Variants in ALDH3B2 observed in about 807,000 individuals in gnomAD.
ALDH3B2 encodes aldehyde dehydrogenase family 3 member B2.
A neutral mutation model predicts 36.7 loss-of-function variants in ALDH3B2; 45 were observed. The observed-to-expected ratio is 1.23, with a 90% CI of 0.97 to 1.57. The LOEUF is 1.57. Among genes scored for constraint, ALDH3B2 ranks in the 40% most tolerant of loss-of-function variants. The pLI is 0.00. For missense variants in ALDH3B2, 464 were observed against 513.3 expected (o/e 0.90, Z 0.93); for synonymous variants, 217 against 226.5 (o/e 0.96, Z 0.38).
At chr11:67,664,909 C>T (rs562248023) in intron 7 of ALDH3B2, among the ~76,000 whole-genome samples, 290 of 152,294 alleles carry the variant, frequency 1.9e-3, no homozygotes, top group African/African-American at 6.6e-3. Context: ...CTGAGTCATA[C>T]GGCCCAGGAG....
At chr11:67,663,957 A>G (rs1231660531) in intron 8 of ALDH3B2, among the ~76,000 whole-genome samples, 196 bp from the exon 9 acceptor site, 2 of 152,054 alleles carry the variant, frequency 1.3e-5, no homozygotes, top group African/African-American at 2.4e-5. Flanking sequence ...GGTGATTACC[A>G]CCATGGCGCA....
intron 8 of ALDH3B2, 49 bp downstream of exon 8, chr11:67,664,347 T>A: frequency 6.2e-7 from 1 of 1,611,156 alleles, no homozygotes; most frequent in Non-Finnish European, 8.5e-7. Flanking sequence ...GGTGCCAGTC[T>A]GTGCCCCTTT....
intron 1 of ALDH3B2, among the ~76,000 whole-genome samples, chr11:67,672,476 C>T (rs1856155832): frequency 6.6e-6 from 1 of 151,942 alleles, no homozygotes. Flanking sequence ...TGATTGCTGT[C>T]TCCTGTCTCC....
chr11:67,665,176 T>A lies in ALDH3B2; in HGVS notation c.706+109A>T, dbSNP rs190128581. On this transcript the variant is annotated intron_variant, in intron 7 of 9. Coordinates refer to ENST00000349015, the Ensembl canonical transcript of ALDH3B2. The stretch of plus-strand genomic sequence containing the variant: ...GCCATGGCTCAAGGCCGGGCTCTGA[T>A]AGTGGGGCCGGGTTTCAGGTGCGAG... The A allele has an allele frequency of 1.5e-4, 222 of 1,504,456 alleles. 1 individual carries two copies. In the African/African-American group the frequency reaches 2.7e-3, roughly 18 times the overall value. 93.2% of individuals were successfully genotyped at this position (1,504,456 alleles called of 1,614,324 possible).
chr11:67,672,146 G>GTT lies in ALDH3B2; in HGVS notation c.-245+2290_-245+2291insAA, dbSNP rs1237487597. ...TGTGTGTGTGTGTGTATATATATAT[G>GTT]TATTTTTTTTTTTTTTTTGAGACAG... is the stretch of plus-strand genomic sequence containing the variant. On this transcript the variant is annotated intron_variant, in intron 1 of 9. Transcript: ENST00000349015. 2.6e-3 allele frequency among the ~76,000 whole-genome samples: 114 copies of GTT among 43,360 alleles called. 2 individuals are homozygous for GTT. In the South Asian group the frequency reaches 0.028, roughly 11 times the overall value. 28.4% of individuals were successfully genotyped at this position (43,360 alleles called of 152,430 possible).
At chr11:67,665,744 C>A in intron 6 of ALDH3B2, 73 bp from the exon 7 acceptor site, 1 of 1,536,144 alleles carries the variant, frequency 6.5e-7, no homozygotes, top group Non-Finnish European at 8.7e-7. Context: ...CCAGAGCCTG[C>A]TCCTCCCTGG....
intron 3 of ALDH3B2, 66 bp from the exon 4 acceptor site, chr11:67,666,760 T>TG: frequency 6.2e-7 from 1 of 1,609,702 alleles, no homozygotes; most frequent in Non-Finnish European, 8.5e-7. Context: ...ACTGCACACT[T>TG]GGGGCCTCAG....
intron 1 of ALDH3B2, among the ~76,000 whole-genome samples, chr11:67,669,190 G>T (rs150210540): frequency 0.019 from 2,851 of 150,818 alleles, 325 homozygotes; most frequent in Admixed American, 0.18. Flanking sequence ...ATGGCTATGT[G>T]TGTGTCTGTG....
chr11:67,666,666 C>T lies in ALDH3B2; in HGVS notation c.59G>A (p.Trp20Ter). Residue 20 changes from tryptophan (W) to a stop codon, truncating the protein, a stop_gained, in exon 4 of 10, where the codon TGG (tryptophan) becomes TAG (stop). Transcript: ENST00000349015. LOFTEE classifies it high-confidence loss of function. The stretch of plus-strand genomic sequence containing the variant: ...GAGGACCAGGCCAAAGGGTTCCTTC[C>T]AGATGAAGACCGAGTCCAGCTTCAT... 1 of 1,614,160 alleles carries T rather than the reference C, an allele frequency of 6.2e-7. No individual in the cohort carries two copies. Among genetic ancestry groups the T allele is most frequent in the Non-Finnish European group, 8.5e-7 (1 of 1,180,014 alleles).
rs71058721 is a variant in ALDH3B2 at position 67,672,102 on chromosome 11, TTGTGTGTG to T, written c.-245+2327_-245+2334del. Among the ~76,000 whole-genome samples the T allele has an allele frequency of 1.1e-3, 55 of 49,958 alleles. 2 individuals are homozygous for T. Among genetic ancestry groups the T allele is most frequent in the African/African-American group, 1.7e-3 (25 of 14,560 alleles). 32.8% of individuals were successfully genotyped at this position (49,958 alleles called of 152,430 possible). A position where few individuals can be genotyped will look rare whatever the true frequency, so the allele number is the denominator to read the frequency against. ...ATATATATATATGTATGTATGTATT[TTGTGTGTG>T]TGTGTGTGTGTGTGTGTGTGTGTGT... On this transcript the variant is annotated intron_variant, in intron 1 of 9. Coordinates refer to ENST00000349015, the Ensembl canonical transcript of ALDH3B2.
upstream of ALDH3B2, among the ~76,000 whole-genome samples, chr11:67,679,340 G>A (rs531557367): frequency 2.0e-4 from 31 of 152,086 alleles, no homozygotes; most frequent in Non-Finnish European, 2.6e-4. Flanking sequence ...GCATTGTGGC[G>A]TGCACCTGTA....
rs192237048 is a variant in ALDH3B2, at chr11:67,665,677, C to T, written c.320-6G>A. On this transcript the variant is annotated splice_region_variant and splice_polypyrimidine_tract_variant and intron_variant, in intron 6 of 9. Coordinates refer to ENST00000349015, the Ensembl canonical transcript of ALDH3B2. ...CTTGCCCACACGAGGGCTCCCTGGG[C>T]GTGGAAGGAAACCAGAGTGGCCAGT... is the stretch of plus-strand genomic sequence containing the variant. 9.6e-4 allele frequency: 1,539 copies of T among 1,597,338 alleles called. 10 individuals are homozygous for T. In the African/African-American group the frequency reaches 0.018, roughly 19 times the overall value.
upstream of ALDH3B2, among the ~76,000 whole-genome samples, chr11:67,679,649 G>A (rs1856334336): frequency 6.6e-6 from 1 of 151,422 alleles, no homozygotes; most frequent in African/African-American, 2.4e-5. Flanking sequence ...CATGGTAGCA[G>A]GCACCTGTAG....
At chr11:67,667,217 G>A (rs538517367) in intron 2 of ALDH3B2, among the ~76,000 whole-genome samples, 1 of 152,330 alleles carries the variant, frequency 6.6e-6, no homozygotes, top group South Asian at 2.1e-4. Flanking sequence ...TTGGGCAAGC[G>A]ATGTTAACCC....
intron 7 of ALDH3B2, 46 bp from the exon 8 acceptor site, chr11:67,664,608 T>C (rs773008772): frequency 5.0e-6 from 8 of 1,604,870 alleles, no homozygotes; most frequent in East Asian, 2.2e-5. Context: ...CAGTCAGGAC[T>C]GCCCCCAGGG....
At chr11:67,664,443 G>C in exon 8 of ALDH3B2, 1 of 1,614,050 alleles carries the variant, frequency 6.2e-7, no homozygotes, top group Non-Finnish European at 8.5e-7. Context: ...TTCTCCTGCC[G>C]GTTGATGAAC....
chr11:67,672,071 A>G (rs1184125050), intron 1 of ALDH3B2, among the ~76,000 whole-genome samples: 1 of 78,684 alleles, frequency 1.3e-5, no homozygotes, highest in Non-Finnish European at 2.5e-5. Flanking sequence ...ATATATATAT[A>G]TATATATATA....
At chr11:67,678,726 C>T (rs904727342), upstream of ALDH3B2, among the ~76,000 whole-genome samples, 4 of 146,968 alleles carry the variant, frequency 2.7e-5, no homozygotes, top group East Asian at 3.9e-4. Context: ...TATATATACA[C>T]GCTATGGCAT....
At chr11:67,675,983 T>G (rs1265546379), upstream of ALDH3B2, among the ~76,000 whole-genome samples, 1 of 152,204 alleles carries the variant, frequency 6.6e-6, no homozygotes, top group Non-Finnish European at 1.5e-5. Context: ...CGGTGGCTCA[T>G]GCCTGTAATC....
Sources: allele counts gnomAD v4.1 joint callset (sites outside exome capture counted in the v4.1 genomes callset), GRCh38; gene constraint gnomAD v4.1.1; transcripts MANE v1.5; gene names NCBI Gene and HGNC (gene_info 2026-07-23, HGNC 2026-07-21).